The following MKI67 variants were observed in gnomAD, a reference collection of about 807,000 sequenced individuals.
MKI67 encodes the protein proliferation marker protein Ki-67.
A neutral mutation model predicts 233.5 loss-of-function variants in MKI67; 152 were observed. That is an observed-to-expected ratio of 0.65 (90% confidence interval 0.57 to 0.74). MKI67 has a LOEUF of 0.74. Among genes scored for constraint, MKI67 ranks in the 30% least tolerant of loss-of-function variants. The probability of loss-of-function intolerance (pLI) is 0.00; values close to 1 mark genes in which losing one functional copy is unlikely to be tolerated. For missense variants in MKI67, 3,940 were observed against 3,885.2 expected, an observed-to-expected ratio of 1.01 and a Z score of -0.37; for synonymous variants, 1,465 against 1,418.5, an observed-to-expected ratio of 1.03 and a Z score of -0.74.
intron 5 of MKI67, among the ~76,000 whole-genome samples, chr10:128,118,179 C>T (rs1241421941): frequency 6.6e-6 from 1 of 152,100 alleles, no homozygotes. Context: ...GGGTGGATCA[C>T]GAGGTTAGGA....
In MKI67 at chr10:128,115,319, GTTC is replaced by G. The variant is rs764182698; in HGVS notation, c.1086_1088del (p.Lys362del). 1 of 1,614,112 alleles carries G rather than the reference GTTC, an allele frequency of 6.2e-7. No homozygotes were observed. Among genetic ancestry groups the G allele is most frequent in the Non-Finnish European group, 8.5e-7 (1 of 1,180,022 alleles). Reference sequence around the variant, plus strand: ...TTCTACCAGTAGTATACAGGTCTTTGTTCTTATGTTTTTGTGGAGAATTTTGTT... The same window carrying G: ...TTCTACCAGTAGTATACAGGTCTTTGTTATGTTTTTGTGGAGAATTTTGTT... On this transcript the variant is annotated inframe_deletion, in exon 7 of 15. Transcript: ENST00000368654.
In MKI67 at chr10:128,125,678, G is replaced by A; in HGVS notation, c.-11C>T. The A allele has an allele frequency of 6.2e-7, 1 of 1,610,746 alleles. No homozygotes were observed. The highest frequency in any genetic ancestry group is 8.5e-7 in the Non-Finnish European group (1 of 1,176,984). On this transcript the variant is annotated 5_prime_UTR_variant, in exon 2 of 15. Coordinates refer to ENST00000368654, the MANE Select transcript of MKI67 (RefSeq NM_002417.5). This position sits in a 1 kb window ranked among gnomAD's most constrained non-coding sequence, Gnocchi z 5.3. Reference sequence around the variant, plus strand: ...TCTCGTGGGCCACATTTTCTAAACAGTAAGTTGAGTATAATCCGTAGGGGA... The same window carrying A: ...TCTCGTGGGCCACATTTTCTAAACAATAAGTTGAGTATAATCCGTAGGGGA...
Position 128,113,446 on chromosome 10 carries a change from A to G in MKI67, c.1637T>C (p.Val546Ala). 6.2e-7 allele frequency: 1 copy of G among 1,614,230 alleles called. No individual in the cohort carries two copies. The highest frequency in any genetic ancestry group is 8.5e-7 in the Non-Finnish European group (1 of 1,180,052). ...ACTCACCTTGATGATTTTCTTCAGG[A>G]CAGGTGGAGTGTGCATTACCAGAGA... ...RKSLVMHTPPVLKKIIKEQPQ... is the reference protein window; with the variant it reads ...RKSLVMHTPPALKKIIKEQPQ... The change falls in exon 8 of 15, where the codon GTC becomes GCC. Residue 546 changes from valine (V) to alanine (A), a missense_variant. Physicochemically the swap from Val to Ala is moderately conservative, Grantham distance 64. Coordinates refer to ENST00000368654, the MANE Select transcript of MKI67 (RefSeq NM_002417.5).
chr10:128,123,039 T>C, intron 3 of MKI67, 43 bp from the exon 4 acceptor site: 2 of 1,579,892 alleles, frequency 1.3e-6, no homozygotes, highest in Non-Finnish European at 1.7e-6. Flanking sequence ...AATGAACAGA[T>C]TAAAAGTGAA....
chr10:128,111,919 GC>G lies in MKI67; in HGVS notation c.2088+7del, dbSNP rs769451945. The G allele has an allele frequency of 3.7e-6, 6 of 1,608,422 alleles. No individual in the cohort carries two copies. The highest frequency in any genetic ancestry group is 1.3e-5 in the African/African-American group (1 of 74,574). On this transcript the variant is annotated splice_region_variant and intron_variant, in intron 10 of 14. Coordinates refer to ENST00000368654, the MANE Select transcript of MKI67 (RefSeq NM_002417.5). ...ATGTGTAAAGCAGCCATTCAGTGAG[GC>G]CCCTACCTTTGGAGTAGCAGGTCTT...
chr10:128,104,195 G>A lies in MKI67; in HGVS notation c.7645C>T (p.Arg2549Cys), dbSNP rs148481888. 65 of 1,613,928 alleles carry A rather than the reference G, an allele frequency of 4.0e-5. No individual in the cohort carries two copies. The African/African-American group carries it at 6.1e-4, about 15-fold the overall frequency. ...TCTAGAGCACGGGCCTTTTCCTTACGAGTTCTCAGCTGCCTCCTGCTACCA... is the reference window on the plus strand; with the variant it reads ...TCTAGAGCACGGGCCTTTTCCTTACAAGTTCTCAGCTGCCTCCTGCTACCA... The part of the protein sequence containing the change: ...VTGSRRQLRT[R>C]KEKARALEDL... Residue 2549 changes from arginine (R) to cysteine (C), a missense_variant, in exon 13 of 15, where the codon CGT becomes TGT. Transcript: ENST00000368654.
chr10:128,111,365 A>G (rs1047988534), intron 11 of MKI67, among the ~76,000 whole-genome samples: 7 of 152,238 alleles, frequency 4.6e-5, no homozygotes, highest in African/African-American at 1.2e-4. Flanking sequence ...AGCACCTTCC[A>G]GCTTTCTATG....
At position 128,108,966 on chromosome 10, in the gene MKI67, A is replaced by G. The variant is rs1194316182; in HGVS notation, c.2874T>C (p.Cys958=). The part of the protein sequence containing the change: ...MKRSRTWGQK[C]APMSDLTDLK... The stretch of plus-strand genomic sequence containing the variant: ...GGTCTGTCAGGTCAGACATTGGTGC[A>G]CATTTCTGCCCCCAAGTTCTTGATC... The change falls in exon 13 of 15, where the codon TGT becomes TGC. Residue 958 remains cysteine (C), a synonymous_variant. Transcript: ENST00000368654. 6.2e-7 allele frequency: 1 copy of G among 1,614,092 alleles called. No individual in the cohort carries two copies. The highest frequency in any genetic ancestry group is 8.5e-7 in the Non-Finnish European group (1 of 1,180,056).
Position 128,104,826 on chromosome 10 carries a change from G to C in MKI67, c.7014C>G (p.Thr2338=). The C allele has an allele frequency of 6.2e-7, 1 of 1,613,364 alleles. No homozygotes were observed. Among genetic ancestry groups the C allele is most frequent in the Non-Finnish European group, 8.5e-7 (1 of 1,179,906 alleles). The change falls in exon 13 of 15, where the codon ACC becomes ACG. Residue 2338 remains threonine (T), a synonymous_variant. Transcript: ENST00000368654. The part of the protein sequence containing the change: ...TDKPTTDEKT[T]KIACKSPQPD... ...GTTGTGGAGATTTGCAGGCTATTTT[G>C]GTAGTTTTCTCATCAGTCGTGGGCT...
At chr10:128,111,871 A>T in intron 10 of MKI67, 55 bp from the exon 11 acceptor site, 5 of 1,607,372 alleles carry the variant, frequency 3.1e-6, no homozygotes, top group Non-Finnish European at 3.4e-6. Flanking sequence ...TCCACACTGA[A>T]TGCAAGCTTC....
rs773142733 is a variant in MKI67 at position 128,107,534 on chromosome 10, C to A, written c.4306G>T (p.Glu1436Ter). 23 of 1,613,964 alleles carry A rather than the reference C, an allele frequency of 1.4e-5. No homozygotes were observed. The highest frequency in any genetic ancestry group is 2.7e-5 in the African/African-American group (2 of 74,866). The change falls in exon 13 of 15, where the codon GAA becomes TAA. Residue 1436 changes from glutamate (E) to a stop codon, truncating the protein, a stop_gained. Transcript: ENST00000368654. LOFTEE classifies it high-confidence loss of function. ...GGGTCCAGTTTCTGTTTTGCAGTTT[C>A]CCTAAACGCGTTGATGCTTTTATCC... Reference protein sequence around the residue: ...GEDKSINAFRETAKQKLDPAA... With the variant: ...GEDKSINAFR
Position 128,115,198 on chromosome 10 carries a change from T to C in MKI67, c.1210A>G (p.Lys404Glu), listed in dbSNP as rs1256244339. ...GCAGAGTCAGCTGCATCTTCAACTT[T>C]AGCTGGTGTTCGATTTCTAGTTGAA... ...KLSTRNRTPA[K>E]VEDAADSATK... The change falls in exon 7 of 15, where the codon AAA (lysine) becomes GAA (glutamate). Residue 404 changes from lysine (K) to glutamate (E), a missense_variant. By Grantham distance (56) the Lys-to-Glu change is moderately conservative (BLOSUM62 1). Coordinates refer to ENST00000368654, the MANE Select transcript of MKI67 (RefSeq NM_002417.5). 4 of 1,614,246 alleles carry C rather than the reference T, an allele frequency of 2.5e-6. No homozygotes were observed. The highest frequency in any genetic ancestry group is 3.4e-6 in the Non-Finnish European group (4 of 1,180,032).
rs150191412 is a variant in MKI67 at position 128,111,696 on chromosome 10, G to A, written c.2209C>T (p.Leu737Phe). ...VHVPARPYRV[L>F]NNFISNQKMD... ...TTTTGGTTGGAAATGAAGTTGTTGA[G>A]CACTCTGTAGGGTCGAGCAGGCACA... is the stretch of plus-strand genomic sequence containing the variant. The change falls in exon 11 of 15, where the codon CTC (leucine) becomes TTC (phenylalanine). Residue 737 changes from leucine (L) to phenylalanine (F), a missense_variant. Transcript: ENST00000368654. The A allele has an allele frequency of 1.2e-5, 19 of 1,613,892 alleles. No individual in the cohort carries two copies. The highest frequency in any genetic ancestry group is 1.1e-4 in the African/African-American group (8 of 74,914).
In MKI67 at chr10:128,099,217, T is replaced by C; in HGVS notation, c.9744A>G (p.Arg3248=). ...DNVCVKKIRT[R]SHRDSEDI is the part of the protein sequence containing the mutation. Reference sequence around the variant, plus strand: ...AAATATCTTCACTGTCCCTATGACTTCTGGTTCTTATTTTCTTGACACACA... The same window carrying C: ...AAATATCTTCACTGTCCCTATGACTCCTGGTTCTTATTTTCTTGACACACA... The change falls in exon 15 of 15, where the codon AGA becomes AGG. Residue 3248 remains arginine, a synonymous_variant. Transcript: ENST00000368654. 6.2e-7 allele frequency: 1 copy of C among 1,613,608 alleles called. No individual in the cohort carries two copies. The highest frequency in any genetic ancestry group is 2.2e-5 in the East Asian group (1 of 44,852).
In MKI67 at chr10:128,101,508, T is replaced by C. The variant is rs764108361; in HGVS notation, c.9455A>G (p.Asn3152Ser). The change falls in exon 14 of 15, where the codon AAC becomes AGC. Residue 3152 changes from asparagine to serine, a missense_variant. Asn to Ser is a conservative substitution (Grantham distance 46). Transcript: ENST00000368654. ...KPIPRDKVTE[N>S]KRCLRSARQN... is the part of the protein sequence containing the mutation. ...TCTAGCAGACCTCAAGCACCTTTTGTTCTCAGTGACTTTGTCTCTAGGTAT... is the reference window on the plus strand; with the variant it reads ...TCTAGCAGACCTCAAGCACCTTTTGCTCTCAGTGACTTTGTCTCTAGGTAT... 1 of 1,614,114 alleles carries C rather than the reference T, an allele frequency of 6.2e-7. No homozygotes were observed. Among genetic ancestry groups the C allele is most frequent in the African/African-American group, 1.3e-5 (1 of 74,942 alleles).
Position 128,101,311 on chromosome 10 carries a change from A to G in MKI67, c.9652T>C (p.Ser3218Pro), listed in dbSNP as rs1319467596. Residue 3218 changes from serine to proline, a missense_variant, in exon 14 of 15, where the codon TCT becomes CCT. Physicochemically the swap from Ser to Pro is moderately conservative, Grantham distance 74 (BLOSUM62 -1). Transcript: ENST00000368654. Reference protein sequence around the residue: ...QPAASTLESKSVQRVTRSVKR... With the variant: ...QPAASTLESKPVQRVTRSVKR... ...ACACTCCGCGTTACTCTCTGCACAGATTTGCTCTCCAAAGTGCTTGCTGCA... is the reference window on the plus strand; with the variant it reads ...ACACTCCGCGTTACTCTCTGCACAGGTTTGCTCTCCAAAGTGCTTGCTGCA... The G allele has an allele frequency of 1.2e-6, 2 of 1,614,096 alleles. No individual in the cohort carries two copies. The highest frequency in any genetic ancestry group is 2.7e-5 in the African/African-American group (2 of 74,928).
Position 128,109,220 on chromosome 10 carries a change from T to C in MKI67, c.2620A>G (p.Arg874Gly), listed in dbSNP as rs1293374517. The part of the protein sequence containing the change: ...EPSKTVSTAN[R>G]SGRSTEFRNI... ...CTGAACTCTGTAGACCTTCCTGACC[T>C]GTTTGCAGTGGATACTGTTTTTGAA... Residue 874 changes from arginine to glycine, a missense_variant, in exon 13 of 15, where the codon AGG becomes GGG. Physicochemically the swap from Arg to Gly is moderately radical, Grantham distance 125. Transcript: ENST00000368654. 1.2e-6 allele frequency: 2 copies of C among 1,614,080 alleles called. No individual in the cohort carries two copies. The highest frequency in any genetic ancestry group is 2.7e-5 in the African/African-American group (2 of 74,940).
At chr10:128,100,996 T>C (rs923888092) in intron 14 of MKI67, among the ~76,000 whole-genome samples, 2 of 152,264 alleles carry the variant, frequency 1.3e-5, no homozygotes, top group Non-Finnish European at 2.9e-5. Flanking sequence ...AATTAGCCAC[T>C]AGACAAATTC....
rs7348 is a variant in MKI67 at position 128,096,734 on chromosome 10, G to A, written c.*2456C>T. The A allele has an allele frequency of 0.28, 42,569 of 152,128 alleles. 6,016 individuals are homozygous for A. The highest frequency in any genetic ancestry group is 0.31 in the African/African-American group (12,748 of 41,472). 9.4% of individuals were successfully genotyped at this position (152,128 alleles called of 1,614,324 possible). On this transcript the variant is annotated 3_prime_UTR_variant, in exon 15 of 15. Transcript: ENST00000368654. ...CACTGGGATAGAGTAACCAGGAAAT[G>A]CAGTCGGCCCTCATGAATGAACAAA...
Sources: gnomAD v4.1 joint callset for allele counts (sites outside exome capture counted in the v4.1 genomes callset) on GRCh38, gnomAD v4.1.1 for gene constraint, Gnocchi (gnomAD v3.1) non-coding constraint, MANE v1.5 for transcripts, NCBI Gene and HGNC (gene_info 2026-07-23, HGNC 2026-07-21) for gene names.